The following SLC14A2 variants were observed in gnomAD, a reference collection of about 807,000 sequenced individuals.
SLC14A2 encodes the protein urea transporter 2.
SLC14A2 carries 91 observed loss-of-function variants against 104.6 expected under a neutral mutation model. The ratio of observed to expected loss-of-function variants is 0.87; its 90% confidence interval spans 0.73 to 1.04. SLC14A2 has a LOEUF of 1.04. SLC14A2 is among the 50% of genes least tolerant of loss of function. The probability of loss-of-function intolerance (pLI) is 0.00; values close to 1 mark genes in which losing one functional copy is unlikely to be tolerated. For missense variants in SLC14A2, 1,189 were observed against 1,156.0 expected, an observed-to-expected ratio of 1.03 and a Z score of -0.41; for synonymous variants, 476 against 466.4, an observed-to-expected ratio of 1.02 and a Z score of -0.27.
rs557621393 is a variant in SLC14A2 at position 45,584,177 on chromosome 18, T to A, written c.-34-40454T>A. Among the ~76,000 whole-genome samples the A allele has an allele frequency of 5.1e-4, 77 of 152,364 alleles. 1 individual carries two copies. The South Asian group carries it at 0.016, about 31-fold the overall frequency. ...GAATCAGAGCCACACAGTGACAGAA[T>A]AACCTGGCCACCATGTTTTTTTAAG... On this transcript the variant is annotated intron_variant, in intron 2 of 20. Transcript: ENST00000586448.
At chr18:45,359,379 C>T (rs1025274122) in intron 1 of SLC14A2, among the ~76,000 whole-genome samples, 10 of 152,204 alleles carry the variant, frequency 6.6e-5, no homozygotes, top group African/African-American at 2.4e-4. Context: ...TCCAGCACCC[C>T]TCCTCCTCCT....
chr18:45,196,342 G>A, the SLC14A2 span, among the ~76,000 whole-genome samples: 2 of 152,160 alleles, frequency 1.3e-5, no homozygotes, highest in African/African-American at 2.4e-5. Flanking sequence ...TCATTCAATC[G>A]CATGTATGTA....
the SLC14A2 span, among the ~76,000 whole-genome samples, chr18:45,202,099 T>A: frequency 1.3e-5 from 2 of 152,176 alleles, no homozygotes; most frequent in Non-Finnish European, 2.9e-5. Context: ...TCAGCAGGTA[T>A]TAATAAGCTA....
chr18:45,421,221 G>C (rs528488092), intron 1 of SLC14A2, among the ~76,000 whole-genome samples: 1 of 150,042 alleles, frequency 6.7e-6, no homozygotes, highest in Admixed American at 6.6e-5. Context: ...TAATCTCTTA[G>C]AGTTGTCCCA....
At chr18:45,335,171 C>T (rs949863523) in intron 1 of SLC14A2, among the ~76,000 whole-genome samples, 1 of 152,150 alleles carries the variant, frequency 6.6e-6, no homozygotes, top group Non-Finnish European at 1.5e-5. Flanking sequence ...ATCCTTCCTA[C>T]TCCTTTTCCT....
At chr18:45,673,400 T>G (rs1409062776) in intron 17 of SLC14A2, among the ~76,000 whole-genome samples, 1 of 152,244 alleles carries the variant, frequency 6.6e-6, no homozygotes, top group Non-Finnish European at 1.5e-5. Context: ...GTTCTCTTTC[T>G]TGGCAGGGGA....
At chr18:45,301,914 C>T (rs2084972468) in intron 1 of SLC14A2, among the ~76,000 whole-genome samples, 1 of 152,190 alleles carries the variant, frequency 6.6e-6, no homozygotes, top group South Asian at 2.1e-4. Context: ...GTCTATCCTC[C>T]TCTTTTTTAG....
chr18:45,304,386 T>C (rs2084997217), intron 1 of SLC14A2, among the ~76,000 whole-genome samples: 1 of 152,210 alleles, frequency 6.6e-6, no homozygotes, highest in South Asian at 2.1e-4. Context: ...GGACAAGGAT[T>C]CTGCTTTGTG....
intron 1 of SLC14A2, among the ~76,000 whole-genome samples, chr18:45,218,812 G>A (rs866397317): frequency 1.3e-5 from 2 of 151,774 alleles, no homozygotes; most frequent in African/African-American, 4.8e-5. Context: ...AGGTCAAATC[G>A]ATTTGTGAGT....
In SLC14A2 at chr18:45,644,099, C is replaced by T. The variant is rs746942584; in HGVS notation, c.1290C>T (p.Pro430=). ...TCCCACTCAGCAAAGTCACCTACCC[C>T]GAGGCCAACCGCATCTACTACCTGA... ...FRLPLSKVTY[P]EANRIYYLTV... The change falls in exon 10 of 20, where the codon CCC becomes CCT. Residue 430 remains proline (P), a synonymous_variant. Coordinates refer to ENST00000255226, the MANE Select transcript of SLC14A2 (RefSeq NM_007163.4). The T allele has an allele frequency of 8.1e-6, 13 of 1,614,118 alleles. No homozygotes were observed. The highest frequency in any genetic ancestry group is 1.3e-5 in the African/African-American group (1 of 74,940).
At chr18:45,301,075 A>G (rs1248177885) in intron 1 of SLC14A2, among the ~76,000 whole-genome samples, 1 of 152,188 alleles carries the variant, frequency 6.6e-6, no homozygotes, top group East Asian at 1.9e-4. Context: ...CGTCTGCCTG[A>G]TGGCTGGGCC....
intron 1 of SLC14A2, among the ~76,000 whole-genome samples, chr18:45,232,102 T>C (rs1384499853): frequency 1.3e-5 from 2 of 151,128 alleles, no homozygotes; most frequent in Admixed American, 1.3e-4. Flanking sequence ...GAAAGGGAAG[T>C]GTATTGTTTA....
intron 1 of SLC14A2, among the ~76,000 whole-genome samples, chr18:45,268,016 T>C (rs564239936): frequency 6.6e-6 from 1 of 152,288 alleles, no homozygotes; most frequent in Non-Finnish European, 1.5e-5. Context: ...GCAAACATAG[T>C]TCAATGCCCA....
chr18:45,514,870 T>C (rs554382386), intron 2 of SLC14A2, among the ~76,000 whole-genome samples: 5 of 152,228 alleles, frequency 3.3e-5, no homozygotes, highest in African/African-American at 1.2e-4. Context: ...CATAGAAATG[T>C]TAATTGAAAT....
intron 1 of SLC14A2, among the ~76,000 whole-genome samples, chr18:45,421,484 T>G (rs78908958): frequency 1.1e-4 from 16 of 151,936 alleles, no homozygotes; most frequent in Non-Finnish European, 1.9e-4. Context: ...CAGAGAGGAG[T>G]GTGCTAGACC....
At chr18:45,471,120 C>T (rs1411232610) in intron 1 of SLC14A2, among the ~76,000 whole-genome samples, 1 of 152,120 alleles carries the variant, frequency 6.6e-6, no homozygotes, top group Non-Finnish European at 1.5e-5. Flanking sequence ...CAGATAAATG[C>T]ATTTTCTGCA....
At chr18:45,514,243 C>T (rs908310157) in intron 2 of SLC14A2, among the ~76,000 whole-genome samples, 17 of 152,258 alleles carry the variant, frequency 1.1e-4, no homozygotes, top group Admixed American at 1.1e-3. Context: ...AGGAAACTTA[C>T]AATCATAGTG....
intron 2 of SLC14A2, among the ~76,000 whole-genome samples, chr18:45,490,862 T>A (rs982251435): frequency 1.3e-5 from 2 of 152,134 alleles, no homozygotes; most frequent in Non-Finnish European, 2.9e-5. Context: ...TATAAAAATA[T>A]GAAAAGATGG....
chr18:45,340,598 C>T (rs79804212), intron 1 of SLC14A2, among the ~76,000 whole-genome samples: 14,151 of 152,204 alleles, frequency 0.093, 779 homozygotes, highest in Non-Finnish European at 0.11. Context: ...TGCTCTGGAT[C>T]CTAAAGCAAG....
Sources: allele counts gnomAD v4.1 joint callset (sites outside exome capture counted in the v4.1 genomes callset), GRCh38; gene constraint gnomAD v4.1.1; transcripts MANE v1.5; gene names NCBI Gene and HGNC (gene_info 2026-07-23, HGNC 2026-07-21).